Variants in BEGAIN observed in about 807,000 individuals in gnomAD.
BEGAIN encodes brain enriched guanylate kinase associated.
BEGAIN carries 19 observed loss-of-function variants against 35.8 expected under a neutral mutation model. That is an observed-to-expected ratio of 0.53 (90% CI 0.37 to 0.78). BEGAIN has a LOEUF of 0.78. Ranked by LOEUF, BEGAIN falls within the 30% of genes least tolerant of loss-of-function variation. BEGAIN has a pLI of 0.00. For synonymous variants in BEGAIN, 462 were observed against 388.6 expected (o/e 1.19, Z -2.22); for missense variants, 795 against 853.6 (o/e 0.93, Z 0.85).
intron 1 of BEGAIN, among the ~76,000 whole-genome samples, chr14:100,580,364 G>A (rs1310604188): frequency 6.6e-6 from 1 of 152,014 alleles, no homozygotes; most frequent in Non-Finnish European, 1.5e-5. Flanking sequence ...ACTAGACAAC[G>A]TCACACCTTC....
chr14:100,571,048 C>T (rs1171518400), intron 1 of BEGAIN, among the ~76,000 whole-genome samples: 1 of 152,132 alleles, frequency 6.6e-6, no homozygotes, highest in Non-Finnish European at 1.5e-5. Flanking sequence ...GCTGGGACCC[C>T]AGGGTGCACA....
chr14:100,561,562 G>C (rs529478503), intron 2 of BEGAIN, among the ~76,000 whole-genome samples: 10 of 152,054 alleles, frequency 6.6e-5, no homozygotes, highest in Non-Finnish European at 1.5e-4. Context: ...CAGCCTGGGC[G>C]ACATGGTGAC....
chr14:100,543,780 G>T, intron 5 of BEGAIN, 78 bp downstream of exon 5: 1 of 1,130,872 alleles, frequency 8.8e-7, no homozygotes, highest in Non-Finnish European at 1.3e-6. Flanking sequence ...GTCAGAATGT[G>T]ACTCCCAGTG....
chr14:100,545,506 C>G (rs765302709), intron 3 of BEGAIN: 23 of 897,322 alleles, frequency 2.6e-5, no homozygotes, highest in Non-Finnish European at 2.4e-5. Context: ...GGAGACATCA[C>G]AGTGAACAAG....
At position 100,567,785 on chromosome 14, in the gene BEGAIN, C is replaced by T; in HGVS notation, c.71+126G>A. The T allele has an allele frequency of 9.9e-7, 1 of 1,006,132 alleles. No homozygotes were observed. 62.3% of individuals were successfully genotyped at this position (1,006,132 alleles called of 1,614,324 possible). ...CACACACACGCACCTGGCCCGCAGC[C>T]CCGCCGAGGCCGCCCGCGGGCCCTG... On this transcript the variant is annotated intron_variant, in intron 2 of 6. Transcript: ENST00000554140. This position sits in a 1 kb window ranked among gnomAD's most constrained non-coding sequence, Gnocchi z 5.1.
In BEGAIN at chr14:100,568,002, C is replaced by A; in HGVS notation, c.43-63G>T. 1 of 1,357,492 alleles carries A rather than the reference C, an allele frequency of 7.4e-7. No homozygotes were observed. The highest frequency in any genetic ancestry group is 9.6e-7 in the Non-Finnish European group (1 of 1,036,276). 84.1% of individuals were successfully genotyped at this position (1,357,492 alleles called of 1,614,324 possible). On this transcript the variant is annotated intron_variant, in intron 1 of 6. Transcript: ENST00000554140. The surrounding 1 kb of genome is among the most constrained non-coding windows in gnomAD (Gnocchi z 7.5). ...GCGTGCGCTCCGCGGCCGCGCCGGG[C>A]AGAGCCGGGCACAGCGGGCACGGCC...
rs1359451375 is a variant in BEGAIN, at chr14:100,567,639, C to T, written c.71+272G>A. Among the ~76,000 whole-genome samples, 1 of 151,746 alleles carries T rather than the reference C, an allele frequency of 6.6e-6. No homozygotes were observed. The highest frequency in any genetic ancestry group is 1.5e-5 in the Non-Finnish European group (1 of 67,792). ...TGAGGACCGCACAGGACCAGGCGGC[C>T]CCGGGTAGGGGGCAGCCCGGCCCTC... On this transcript the variant is annotated intron_variant, in intron 2 of 6. Coordinates refer to ENST00000554140, the MANE Select transcript of BEGAIN (RefSeq NM_001385089.1). This position sits in a 1 kb window ranked among gnomAD's most constrained non-coding sequence, Gnocchi z 5.1.
intron 2 of BEGAIN, among the ~76,000 whole-genome samples, chr14:100,557,445 T>A (rs555537227): frequency 2.0e-5 from 3 of 152,298 alleles, no homozygotes; most frequent in African/African-American, 7.2e-5. Flanking sequence ...ATGTGCTCCA[T>A]CCATGGGGAC....
chr14:100,567,989 CGGCCGCGCCG>C lies in BEGAIN; in HGVS notation c.43-60_43-51del. The C allele has an allele frequency of 4.3e-6, 6 of 1,391,084 alleles. No homozygotes were observed. Among genetic ancestry groups the C allele is most frequent in the Non-Finnish European group, 4.7e-6 (5 of 1,055,030 alleles). 86.2% of individuals were successfully genotyped at this position (1,391,084 alleles called of 1,614,324 possible). ...CAGCAGGCAGGAGGCGTGCGCTCCG[CGGCCGCGCCG>C]GGCAGAGCCGGGCACAGCGGGCACG... On this transcript the variant is annotated intron_variant, in intron 1 of 6. Coordinates refer to ENST00000554140, the MANE Select transcript of BEGAIN (RefSeq NM_001385089.1). This position sits in a 1 kb window ranked among gnomAD's most constrained non-coding sequence, Gnocchi z 5.1.
In BEGAIN at chr14:100,568,950, C is replaced by A. The variant is rs2075225979; in HGVS notation, c.43-1011G>T. 2.6e-5 allele frequency: 26 copies of A among 983,348 alleles called. No homozygotes were observed. The highest frequency in any genetic ancestry group is 3.0e-5 in the Non-Finnish European group (25 of 829,338). The allele number at this position is 983,348 out of a possible 1,614,324, so 60.9% of individuals were successfully genotyped here. ...CGGCCCCTCGCGCCGGGCGCCGCCG[C>A]CGCGTCCGCCGGGAGCGCGCTCCGC... On this transcript the variant is annotated intron_variant, in intron 1 of 6. Transcript: ENST00000554140. The surrounding 1 kb of genome is among the most constrained non-coding windows in gnomAD (Gnocchi z 7.5).
At position 100,576,845 on chromosome 14, in the gene BEGAIN, C is replaced by A. The variant is rs117076240; in HGVS notation, c.43-8906G>T. On this transcript the variant is annotated intron_variant, in intron 1 of 6. Coordinates refer to ENST00000554140, the MANE Select transcript of BEGAIN (RefSeq NM_001385089.1). ...CCAGAGTGCATGTGTGGACGGGGTA[C>A]GAGGAAAGAGCTCTACAGCCCAAGC... Among the ~76,000 whole-genome samples the A allele has an allele frequency of 2.0e-5, 3 of 152,168 alleles. No individual in the cohort carries two copies. In the East Asian group the frequency reaches 5.8e-4, roughly 29 times the overall value.
chr14:100,585,052 G>GTAACACACTT (rs1410931379), intron 1 of BEGAIN, among the ~76,000 whole-genome samples: 1 of 152,076 alleles, frequency 6.6e-6, no homozygotes, highest in African/African-American at 2.4e-5. Flanking sequence ...TTCAGGCCTT[G>GTAACACACTT]GGCCAGGCTC....
rs1381703723 is a variant in BEGAIN at position 100,567,475 on chromosome 14, C to T, written c.71+436G>A. ...GCTCAGAGCCAGGCAACTGGCAGCC[C>T]GGGGGCTGGGGCGGGTGGTGGTTGG... On this transcript the variant is annotated intron_variant, in intron 2 of 6. Transcript: ENST00000554140. The surrounding 1 kb of genome is among the most constrained non-coding windows in gnomAD (Gnocchi z 5.1). Among the ~76,000 whole-genome samples, 3 of 138,554 alleles carry T rather than the reference C, an allele frequency of 2.2e-5. No individual in the cohort carries two copies. The highest frequency in any genetic ancestry group is 7.7e-5 in the African/African-American group (3 of 39,014). 90.9% of individuals were successfully genotyped at this position (138,554 alleles called of 152,430 possible).
intron 1 of BEGAIN, chr14:100,577,267 A>G (rs1326053362): frequency 1.5e-5 from 6 of 398,628 alleles, no homozygotes; most frequent in Non-Finnish European, 2.7e-5. Flanking sequence ...CCTGTGGGGA[A>G]GCGGCACATG....
chr14:100,545,701 G>A (rs1217436963), intron 3 of BEGAIN, among the ~76,000 whole-genome samples: 1 of 152,166 alleles, frequency 6.6e-6, no homozygotes, highest in Non-Finnish European at 1.5e-5. Flanking sequence ...ACTTAAAGCA[G>A]TAACTGGCAG....
intron 2 of BEGAIN, among the ~76,000 whole-genome samples, chr14:100,561,709 GA>G (rs1421843868): frequency 6.9e-6 from 1 of 144,320 alleles, no homozygotes; most frequent in Non-Finnish European, 1.5e-5. Flanking sequence ...GACAGAGCAA[GA>G]CTGTCGAAAA....
chr14:100,559,876 G>C (rs2034082667), intron 2 of BEGAIN, among the ~76,000 whole-genome samples: 1 of 152,230 alleles, frequency 6.6e-6, no homozygotes, highest in South Asian at 2.1e-4. Flanking sequence ...GCTACGGGGA[G>C]GGTTGTCAGC....
intron 5 of BEGAIN, 77 bp from the exon 6 acceptor site, chr14:100,540,656 A>C: frequency 8.9e-7 from 1 of 1,124,002 alleles, no homozygotes; most frequent in Non-Finnish European, 1.3e-6. Context: ...CCAAGTGGCC[A>C]GCGGGGGCAG....
intron 1 of BEGAIN, among the ~76,000 whole-genome samples, chr14:100,582,000 G>A (rs2035326854): frequency 6.6e-6 from 1 of 152,274 alleles, no homozygotes; most frequent in African/African-American, 2.4e-5. Flanking sequence ...TCACGGAGGA[G>A]GAAACTGGGC....
Sources: gnomAD v4.1 joint callset for allele counts (sites outside exome capture counted in the v4.1 genomes callset) on GRCh38, gnomAD v4.1.1 for gene constraint, Gnocchi (gnomAD v3.1) non-coding constraint, MANE v1.5 for transcripts, NCBI Gene and HGNC (gene_info 2026-07-23, HGNC 2026-07-21) for gene names.